KLRG1: variants seen among roughly 807,000 people sequenced by gnomAD.
KLRG1 encodes killer cell lectin-like receptor subfamily G member 1.
In KLRG1, 16 loss-of-function variants were observed where a neutral mutation model predicts 21.8. The observed-to-expected ratio is 0.73, with a 90% CI of 0.50 to 1.11. The LOEUF (loss-of-function observed/expected upper bound fraction) is 1.11, where lower values mean the gene tolerates loss of function less well. Ranked by LOEUF, KLRG1 falls within the 50% of genes most tolerant of loss-of-function variation. KLRG1 has a pLI of 0.00. For synonymous variants in KLRG1, 69 were observed against 75.9 expected (o/e 0.91, Z 0.47); for missense variants, 173 against 218.3 (o/e 0.79, Z 1.31).
In KLRG1 at chr12:9,009,620, A is replaced by G. The variant is rs780438154; in HGVS notation, c.*83A>G. 245 of 1,561,506 alleles carry G rather than the reference A, an allele frequency of 1.6e-4. No homozygotes were observed. In the African/African-American group the frequency reaches 2.9e-3, roughly 18 times the overall value. ...CTGGCCACTGGCTGTTGGGAAAGCC[A>G]TGAGTATATAGTTAGCAAATACTGA... On this transcript the variant is annotated 3_prime_UTR_variant, in exon 5 of 5. Transcript: ENST00000356986.
the KLRG1 span, among the ~76,000 whole-genome samples, chr12:9,053,643 A>G: frequency 2.0e-5 from 3 of 152,322 alleles, no homozygotes; most frequent in Admixed American, 2.0e-4. Context: ...CCCAGCTTGC[A>G]GCACACTCAG....
the KLRG1 span, among the ~76,000 whole-genome samples, chr12:9,061,601 C>T: frequency 6.6e-6 from 1 of 151,872 alleles, no homozygotes; most frequent in African/African-American, 2.4e-5. Flanking sequence ...ATCTCTTGAG[C>T]CCAGGAGTTT....
the KLRG1 span, among the ~76,000 whole-genome samples, chr12:9,152,055 C>G: frequency 6.6e-6 from 1 of 152,212 alleles, no homozygotes; most frequent in East Asian, 1.9e-4. Context: ...CACATATGTC[C>G]CTTAGCTTAC....
At chr12:9,098,672 C>T in the KLRG1 span, 4 of 1,611,328 alleles carry the variant, frequency 2.5e-6, no homozygotes, top group East Asian at 2.2e-5. Flanking sequence ...GCACGGAGGG[C>T]GCAGACGGAC....
At chr12:9,069,677 CT>C in the KLRG1 span, 1 of 1,221,830 alleles carries the variant, frequency 8.2e-7, no homozygotes, top group Non-Finnish European at 1.2e-6. Flanking sequence ...ATGCATTTAC[CT>C]TCCCAGATGT....
At chr12:9,209,041 G>A in the KLRG1 span, among the ~76,000 whole-genome samples, 1 of 83,446 alleles carries the variant, frequency 1.2e-5, no homozygotes, top group Non-Finnish European at 2.5e-5. Context: ...CCATGTCATT[G>A]ACTTTATCTG....
At chr12:9,062,013 A>G in the KLRG1 span, among the ~76,000 whole-genome samples, 3 of 151,118 alleles carry the variant, frequency 2.0e-5, no homozygotes, top group South Asian at 2.1e-4. Flanking sequence ...GATGGATAAT[A>G]TATCTGATAT....
the KLRG1 span, chr12:9,036,962 A>C: frequency 4.0e-6 from 1 of 248,966 alleles, no homozygotes; most frequent in African/African-American, 2.3e-5. Context: ...TCAGTTTATC[A>C]GAGGGTATGT....
At chr12:9,099,373 A>G in the KLRG1 span, 1 of 1,553,230 alleles carries the variant, frequency 6.4e-7, no homozygotes. Flanking sequence ...ATGATCTAAA[A>G]CACACACCTT....
At chr12:9,194,521 G>A in the KLRG1 span, among the ~76,000 whole-genome samples, 1 of 141,294 alleles carries the variant, frequency 7.1e-6, no homozygotes, top group Non-Finnish European at 1.5e-5. Flanking sequence ...CTGGAGTGCA[G>A]TGGCGCGATC....
chr12:9,195,845 A>G, the KLRG1 span, among the ~76,000 whole-genome samples: 175 of 148,332 alleles, frequency 1.2e-3, no homozygotes, highest in South Asian at 7.3e-3. Context: ...TTGTTAAAAT[A>G]TATAAGTTAA....
At chr12:8,958,944 G>A (rs952245447) in intron 1 of KLRG1, among the ~76,000 whole-genome samples, 17 of 152,102 alleles carry the variant, frequency 1.1e-4, no homozygotes, top group African/African-American at 4.1e-4. Flanking sequence ...TCTTAATGTT[G>A]AGTCTTATAA....
chr12:9,138,326 T>C, the KLRG1 span, among the ~76,000 whole-genome samples: 1 of 152,086 alleles, frequency 6.6e-6, no homozygotes, highest in Non-Finnish European at 1.5e-5. Flanking sequence ...TTATACATAC[T>C]GAACCATCCT....
At chr12:9,163,823 A>C in the KLRG1 span, 1 of 1,600,812 alleles carries the variant, frequency 6.2e-7, no homozygotes, top group Non-Finnish European at 8.5e-7. Context: ...ATGAGTATCC[A>C]CTTTGATAGT....
chr12:9,131,710 T>C, the KLRG1 span, among the ~76,000 whole-genome samples: 7 of 151,960 alleles, frequency 4.6e-5, no homozygotes, highest in Admixed American at 4.6e-4. Flanking sequence ...ACATACTATA[T>C]ATACGTTTAT....
the KLRG1 span, among the ~76,000 whole-genome samples, chr12:9,179,433 GC>G: frequency 3.3e-5 from 5 of 152,122 alleles, no homozygotes; most frequent in African/African-American, 4.8e-5. Flanking sequence ...ATCACGACAT[GC>G]CAAGTGTCAC....
chr12:8,971,495 A>G (rs972098593), intron 1 of KLRG1, among the ~76,000 whole-genome samples: 2 of 151,142 alleles, frequency 1.3e-5, no homozygotes, highest in African/African-American at 4.9e-5. Flanking sequence ...TTATTTATTT[A>G]TTTTTTTTGA....
chr12:9,090,628 T>C, the KLRG1 span: 2 of 787,204 alleles, frequency 2.5e-6, no homozygotes, highest in South Asian at 3.7e-5. Flanking sequence ...ACCTGAAATA[T>C]ATTTAAGTGG....
the KLRG1 span, chr12:9,080,200 C>G: frequency 6.8e-7 from 1 of 1,477,706 alleles, no homozygotes; most frequent in Non-Finnish European, 9.3e-7. Context: ...GCAAATCAGA[C>G]ATATGAAAAT....
Sources: allele counts gnomAD v4.1 joint callset (sites outside exome capture counted in the v4.1 genomes callset), GRCh38; gene constraint gnomAD v4.1.1; transcripts MANE v1.5; gene names NCBI Gene and HGNC (gene_info 2026-07-23, HGNC 2026-07-21).